Variants in ADAMTSL1 observed in about 807,000 individuals in gnomAD.
ADAMTSL1 encodes ADAMTS-like protein 1.
ADAMTSL1 carries 126 observed loss-of-function variants against 201.8 expected under a neutral mutation model. The observed-to-expected ratio is 0.62, with a 90% CI of 0.54 to 0.72. The LOEUF is 0.72. ADAMTSL1 is among the 30% of genes least tolerant of loss of function. The probability of loss-of-function intolerance (pLI) is 0.00; values close to 1 mark genes in which losing one functional copy is unlikely to be tolerated. For missense variants in ADAMTSL1, 2,679 were observed against 2,277.8 expected (o/e 1.18, Z -3.59); for synonymous variants, 1,121 against 903.4 (o/e 1.24, Z -4.32).
Position 18,078,288 on chromosome 9 carries a change from T to C in ADAMTSL1, c.88-85574T>C, listed in dbSNP as rs892540461. On this transcript the variant is annotated intron_variant, in intron 1 of 29. Coordinates refer to the ADAMTSL1 transcript ENST00000680146. ...GGGAAAGTTTTCTCTCTGCCACAGA[T>C]AGAAAATTCTGGGCTGTCCCTACGC... Among the ~76,000 whole-genome samples the C allele has an allele frequency of 1.1e-4, 17 of 152,276 alleles. No individual in the cohort carries two copies. The East Asian group carries it at 1.2e-3, about 10-fold the overall frequency.
At chr9:18,085,613 G>A (rs1470494671) in intron 1 of ADAMTSL1, among the ~76,000 whole-genome samples, 1 of 149,420 alleles carries the variant, frequency 6.7e-6, no homozygotes, top group African/African-American at 2.5e-5. Context: ...CACTGTGTGT[G>A]TATACGTATA....
chr9:18,899,533 C>T (rs1357192133), intron 26 of ADAMTSL1, among the ~76,000 whole-genome samples: 3 of 152,178 alleles, frequency 2.0e-5, no homozygotes, highest in Non-Finnish European at 4.4e-5. Context: ...CATCACACTA[C>T]CTGACTGCAA....
chr9:18,275,157 G>C (rs1832537392), intron 2 of ADAMTSL1, among the ~76,000 whole-genome samples: 1 of 152,088 alleles, frequency 6.6e-6, no homozygotes, highest in Admixed American at 6.5e-5. Context: ...TTTAAAGAAA[G>C]AGTAAAAACT....
chr9:18,258,410 G>A (rs1022452479), intron 2 of ADAMTSL1, among the ~76,000 whole-genome samples: 4 of 152,204 alleles, frequency 2.6e-5, no homozygotes, highest in South Asian at 4.1e-4. Context: ...GAGCCAGAAA[G>A]CCACATAGGA....
At position 18,353,921 on chromosome 9, in the gene ADAMTSL1, A is replaced by T. The variant is rs538780956; in HGVS notation, c.208-150908A>T. Among the ~76,000 whole-genome samples the T allele has an allele frequency of 3.9e-5, 6 of 152,104 alleles. No homozygotes were observed. The East Asian group carries it at 1.2e-3, about 29-fold the overall frequency. ...CAGTCAATTATAAAGAAAAATTAAA[A>T]GTCGTAATCTAACCTTACAGAAATA... On this transcript the variant is annotated intron_variant, in intron 2 of 29. Coordinates refer to the ADAMTSL1 transcript ENST00000680146.
chr9:18,877,436 G>T (rs1828236879), intron 23 of ADAMTSL1, among the ~76,000 whole-genome samples: 1 of 152,160 alleles, frequency 6.6e-6, no homozygotes, highest in Non-Finnish European at 1.5e-5. Flanking sequence ...TTGATGTGGT[G>T]CTCTCCCACT....
At chr9:18,837,585 C>A (rs1374746804) in intron 23 of ADAMTSL1, among the ~76,000 whole-genome samples, 1 of 152,168 alleles carries the variant, frequency 6.6e-6, no homozygotes, top group Admixed American at 6.5e-5. Context: ...GTGGTTCTTC[C>A]CCTACTTCAC....
chr9:18,239,526 G>T (rs1008352887), intron 2 of ADAMTSL1, among the ~76,000 whole-genome samples: 1 of 152,070 alleles, frequency 6.6e-6, no homozygotes, highest in Non-Finnish European at 1.5e-5. Flanking sequence ...ATCACTTGAG[G>T]CCAGGAGTTT....
At chr9:18,339,444 T>TA (rs534787559) in intron 2 of ADAMTSL1, among the ~76,000 whole-genome samples, 2 of 151,996 alleles carry the variant, frequency 1.3e-5, no homozygotes, top group Non-Finnish European at 2.9e-5. Context: ...TATTAAAAAG[T>TA]AAAAAAATAA....
At chr9:18,889,546 A>T (rs10963819) in intron 24 of ADAMTSL1, 22 bp from the exon 25 acceptor site, 870,042 of 1,610,568 alleles carry the variant, frequency 0.54, 237,822 homozygotes, top group African/African-American at 0.7. Context: ...TCTTTTCTAC[A>T]CTGCTCCTCC....
At chr9:18,364,766 G>A (rs549038144) in intron 2 of ADAMTSL1, among the ~76,000 whole-genome samples, 2 of 152,252 alleles carry the variant, frequency 1.3e-5, no homozygotes, top group South Asian at 4.1e-4. Flanking sequence ...GAGGCCTCAG[G>A]AAAGTTACAA....
intron 2 of ADAMTSL1, among the ~76,000 whole-genome samples, chr9:18,315,387 G>T (rs577488318): frequency 6.6e-6 from 1 of 152,084 alleles, no homozygotes; most frequent in African/African-American, 2.4e-5. Flanking sequence ...GTACTCCTCA[G>T]TGGCGCCCGT....
intron 19 of ADAMTSL1, among the ~76,000 whole-genome samples, chr9:18,781,274 G>C (rs879732482): frequency 6.6e-6 from 1 of 152,120 alleles, no homozygotes; most frequent in Non-Finnish European, 1.5e-5. Flanking sequence ...GAGGGTAAGA[G>C]GGAAGATACC....
At chr9:18,293,480 G>A (rs1833353396) in intron 2 of ADAMTSL1, among the ~76,000 whole-genome samples, 1 of 152,174 alleles carries the variant, frequency 6.6e-6, no homozygotes, top group African/African-American at 2.4e-5. Context: ...AATACTGTCT[G>A]GGCCAGTGCC....
At chr9:18,020,617 A>C (rs1397714843) in intron 1 of ADAMTSL1, among the ~76,000 whole-genome samples, 1 of 151,944 alleles carries the variant, frequency 6.6e-6, no homozygotes, top group African/African-American at 2.4e-5. Context: ...GGCGGAGACC[A>C]CCCCCATGAT....
intron 20 of ADAMTSL1, among the ~76,000 whole-genome samples, chr9:18,810,880 A>G (rs139678174): frequency 1.3e-5 from 2 of 152,284 alleles, no homozygotes; most frequent in East Asian, 3.9e-4. Flanking sequence ...GAGAATAAAA[A>G]GTAAAGGGAA....
chr9:18,001,447 G>A (rs1386893956), intron 1 of ADAMTSL1, among the ~76,000 whole-genome samples: 2 of 152,028 alleles, frequency 1.3e-5, no homozygotes, highest in Non-Finnish European at 2.9e-5. Context: ...AGTCAGTGGG[G>A]AAGTCAGATG....
At chr9:18,860,547 T>C (rs555839200) in intron 23 of ADAMTSL1, among the ~76,000 whole-genome samples, 2 of 152,292 alleles carry the variant, frequency 1.3e-5, no homozygotes, top group South Asian at 2.1e-4. Flanking sequence ...TCTGGCCTTC[T>C]TACCAACAAT....
intron 26 of ADAMTSL1, among the ~76,000 whole-genome samples, chr9:18,901,521 T>C (rs1248362450): frequency 2.6e-5 from 4 of 152,152 alleles, no homozygotes; most frequent in South Asian, 2.1e-4. Flanking sequence ...CTCAAACCAA[T>C]AATGTAAAGT....
Sources: allele counts gnomAD v4.1 joint callset (sites outside exome capture counted in the v4.1 genomes callset), GRCh38; gene constraint gnomAD v4.1.1; transcripts MANE v1.5; gene names NCBI Gene and HGNC (gene_info 2026-07-23, HGNC 2026-07-21).